Variants in DNAH7 observed in about 807,000 individuals in gnomAD.
DNAH7 encodes the protein axonemal beta dynein heavy chain 7.
Under a neutral mutation model 444.6 loss-of-function variants are expected in DNAH7, and 397 were observed. That is an observed-to-expected ratio of 0.89 (90% CI 0.82 to 0.97). The LOEUF is 0.97. Among genes scored for constraint, DNAH7 ranks in the 50% least tolerant of loss-of-function variants. The pLI is 0.00. For missense variants in DNAH7, 4,902 were observed against 4,800.8 expected (o/e 1.02, Z -0.62); for synonymous variants, 1,636 against 1,624.4 (o/e 1.01, Z -0.17).
chr2:195,932,479 T>A (rs1218878438), intron 21 of DNAH7, among the ~76,000 whole-genome samples: 3 of 152,172 alleles, frequency 2.0e-5, no homozygotes, highest in African/African-American at 7.2e-5. Flanking sequence ...AGAGACGGCA[T>A]CCCTGTCTTG....
chr2:195,775,852 A>T lies in DNAH7; in HGVS notation c.11196T>A (p.Leu3732=), dbSNP rs914312199. The T allele has an allele frequency of 1.9e-6, 3 of 1,613,820 alleles. No homozygotes were observed. Among genetic ancestry groups the T allele is most frequent in the Non-Finnish European group, 2.5e-6 (3 of 1,179,916 alleles). Reference sequence around the variant, plus strand: ...TCCTATACAGATCACACACCTGTGTAAGAAGAATGTTATCAAATAGCAGCT... The same window carrying T: ...TCCTATACAGATCACACACCTGTGTTAGAAGAATGTTATCAAATAGCAGCT... ...ETQLLFDNIL[L]TQSRSAGAGA... is the part of the protein sequence containing the mutation. The change falls in exon 60 of 65, where the codon CTT becomes CTA. Residue 3732 remains leucine, a synonymous_variant. Transcript: ENST00000312428.
chr2:195,858,735 T>C lies in DNAH7; in HGVS notation c.7806A>G (p.Val2602=). The change falls in exon 43 of 65, where the codon GTA becomes GTG. Residue 2602 remains valine (V), a synonymous_variant. Transcript: ENST00000312428. ...LEKLDSASSQ[V]ATMQMELEAL... ...CCTCCAACTCCATCTGCATTGTGGCTACTTGAGATGAAGCAGAATCCAGTT... is the reference window on the plus strand; with the variant it reads ...CCTCCAACTCCATCTGCATTGTGGCCACTTGAGATGAAGCAGAATCCAGTT... 1.2e-6 allele frequency: 2 copies of C among 1,613,998 alleles called. No individual in the cohort carries two copies. The highest frequency in any genetic ancestry group is 2.2e-5 in the South Asian group (2 of 91,058).
chr2:195,787,569 A>C (rs1430347850), intron 57 of DNAH7, among the ~76,000 whole-genome samples: 1 of 152,194 alleles, frequency 6.6e-6, no homozygotes, highest in East Asian at 1.9e-4. Flanking sequence ...GGTCTCTAAA[A>C]CCCACGAGGA....
chr2:195,777,650 C>T, intron 59 of DNAH7, 150 bp downstream of exon 59: 3 of 714,630 alleles, frequency 4.2e-6, no homozygotes, highest in Non-Finnish European at 6.6e-6. Context: ...ATAGCGTGAG[C>T]TTTGTTTTAT....
intron 1 of DNAH7, 52 bp downstream of exon 1, chr2:196,068,645 G>A (rs565765460): frequency 1.2e-5 from 18 of 1,549,350 alleles, no homozygotes; most frequent in Middle Eastern, 1.7e-4. Flanking sequence ...CTTCCGAAAC[G>A]CCTGGGAAGC....
Position 195,988,388 on chromosome 2 carries a change from T to C in DNAH7, c.1354-159A>G, listed in dbSNP as rs536621585. 6.6e-5 allele frequency among the ~76,000 whole-genome samples: 10 copies of C among 152,296 alleles called. No individual in the cohort carries two copies. The South Asian group carries it at 1.9e-3, about 28-fold the overall frequency. On this transcript the variant is annotated intron_variant, in intron 12 of 64. Transcript: ENST00000312428. ...AATCTATAGAAAGATATTAGACTAATTGCAGCAGTGTTTTAAAATTTAGGT... is the reference window on the plus strand; with the variant it reads ...AATCTATAGAAAGATATTAGACTAACTGCAGCAGTGTTTTAAAATTTAGGT...
Position 195,808,817 on chromosome 2 carries a change from A to T in DNAH7, c.9948T>A (p.Tyr3316Ter). 1.2e-6 allele frequency: 2 copies of T among 1,614,028 alleles called. No individual in the cohort carries two copies. Among genetic ancestry groups the T allele is most frequent in the Non-Finnish European group, 1.7e-6 (2 of 1,179,932 alleles). Residue 3316 changes from tyrosine (Y) to a stop codon, truncating the protein, a stop_gained, in exon 53 of 65, where the codon TAT (tyrosine) becomes TAA (stop). Coordinates refer to ENST00000312428, the MANE Select transcript of DNAH7 (RefSeq NM_018897.3). LOFTEE classifies it high-confidence loss of function. ...LTGGIGLDNP[Y>*]ANLCTWLPQK... is the part of the protein sequence containing the mutation. ...GAGGAAGCCATGTACAAAGGTTGGCATAAGGATTATCCAGTCCAATGCCAC... is the reference window on the plus strand; with the variant it reads ...GAGGAAGCCATGTACAAAGGTTGGCTTAAGGATTATCCAGTCCAATGCCAC...
rs187765894 is a variant in DNAH7, at chr2:195,884,921, G to T, written c.5539-112C>A. On this transcript the variant is annotated intron_variant, in intron 34 of 64. Transcript: ENST00000312428. ...AGTATCTCTGAAAGGAAACACGTAA[G>T]CTCAAATATATTAGTAGGTCATCTC... 1,230 of 817,110 alleles carry T rather than the reference G, an allele frequency of 1.5e-3. 7 individuals are homozygous for T. The highest frequency in any genetic ancestry group is 9.0e-4 in the Non-Finnish European group (482 of 538,040). 50.6% of individuals were successfully genotyped at this position (817,110 alleles called of 1,614,324 possible).
chr2:195,963,652 T>C (rs1482646707), intron 17 of DNAH7, among the ~76,000 whole-genome samples: 1 of 152,224 alleles, frequency 6.6e-6, no homozygotes, highest in African/African-American at 2.4e-5. Flanking sequence ...TGTTTGCCTG[T>C]GCTTGTGGGG....
chr2:195,870,186 C>T (rs1048565622), intron 40 of DNAH7, among the ~76,000 whole-genome samples: 1 of 152,020 alleles, frequency 6.6e-6, no homozygotes, highest in African/African-American at 2.4e-5. Flanking sequence ...ACTGGGAAAA[C>T]CAGCGCATAA....
chr2:196,057,494 T>G (rs2125883132), intron 2 of DNAH7, among the ~76,000 whole-genome samples: 1 of 152,346 alleles, frequency 6.6e-6, no homozygotes, highest in South Asian at 2.1e-4. Flanking sequence ...AAAAAAATGC[T>G]TTGATTCTAT....
At chr2:196,046,483 T>C (rs752265599) in intron 5 of DNAH7, among the ~76,000 whole-genome samples, 1 of 152,140 alleles carries the variant, frequency 6.6e-6, no homozygotes, top group Non-Finnish European at 1.5e-5. Context: ...CTCCATTGAT[T>C]TGGGTGTTGA....
intron 20 of DNAH7, among the ~76,000 whole-genome samples, chr2:195,936,309 G>T (rs1689048183): frequency 1.3e-5 from 2 of 152,162 alleles, no homozygotes; most frequent in Admixed American, 1.3e-4. Context: ...GGGAGGCGGA[G>T]GTTGCAGTGA....
intron 12 of DNAH7, chr2:195,994,288 A>T: frequency 2.3e-6 from 1 of 428,350 alleles, no homozygotes; most frequent in Non-Finnish European, 4.4e-6. Context: ...AGCTTTTCCA[A>T]ATCATCAGCA....
chr2:195,942,670 ATC>A (rs1271938435), intron 19 of DNAH7, among the ~76,000 whole-genome samples: 2 of 152,104 alleles, frequency 1.3e-5, no homozygotes, highest in Non-Finnish European at 2.9e-5. Flanking sequence ...AGTTAGGATA[ATC>A]TCTACTAGAT....
intron 7 of DNAH7, among the ~76,000 whole-genome samples, chr2:196,024,908 A>G (rs187550348): frequency 6.5e-4 from 99 of 152,192 alleles, no homozygotes; most frequent in African/African-American, 2.3e-3. Context: ...CAGGTTCTGC[A>G]TCCATGGATT....
At chr2:195,901,127 C>G (rs902042354) in intron 27 of DNAH7, 2 of 151,760 alleles carry the variant, frequency 1.3e-5, no homozygotes, top group African/African-American at 4.8e-5. Context: ...TGAAATTTGC[C>G]AAGAGAGTAG....
At chr2:195,959,759 A>G (rs183200744) in intron 18 of DNAH7, among the ~76,000 whole-genome samples, 75 of 152,330 alleles carry the variant, frequency 4.9e-4, no homozygotes, top group African/African-American at 1.8e-3. Flanking sequence ...ACTCCCAACT[A>G]AAATTATAGT....
intron 2 of DNAH7, among the ~76,000 whole-genome samples, chr2:196,057,319 C>A (rs1697868680): frequency 6.6e-6 from 1 of 152,166 alleles, no homozygotes. Context: ...TTATTCAACT[C>A]AGCCACTGAA....
Sources: allele counts gnomAD v4.1 joint callset (sites outside exome capture counted in the v4.1 genomes callset), GRCh38; gene constraint gnomAD v4.1.1; transcripts MANE v1.5; gene names NCBI Gene and HGNC (gene_info 2026-07-23, HGNC 2026-07-21).